The following PTPN13 variants were observed in gnomAD, a reference collection of about 807,000 sequenced individuals.
PTPN13 encodes tyrosine-protein phosphatase non-receptor type 13.
In PTPN13, 191 loss-of-function variants were observed where a neutral mutation model predicts 284.0. The observed-to-expected ratio is 0.67, with a 90% CI of 0.60 to 0.76. The LOEUF (loss-of-function observed/expected upper bound fraction) is 0.76, where lower values mean the gene tolerates loss of function less well. PTPN13 is among the 30% of genes least tolerant of loss of function. PTPN13 has a pLI of 0.00. For missense variants in PTPN13, 2,797 were observed against 2,939.9 expected, an observed-to-expected ratio of 0.95 and a Z score of 1.12; for synonymous variants, 986 against 1,022.3, an observed-to-expected ratio of 0.96 and a Z score of 0.68.
At chr4:86,641,148 ACT>A (rs1390712402) in intron 2 of PTPN13, among the ~76,000 whole-genome samples, 3 of 151,928 alleles carry the variant, frequency 2.0e-5, no homozygotes, top group Non-Finnish European at 4.4e-5. Context: ...TCTTCTCCTG[ACT>A]CTTGTAACGA....
At chr4:86,601,432 A>G (rs540623526) in intron 1 of PTPN13, among the ~76,000 whole-genome samples, 1 of 152,242 alleles carries the variant, frequency 6.6e-6, no homozygotes, top group East Asian at 1.9e-4. Flanking sequence ...ATATTCCCCT[A>G]TGTTCACAGT....
chr4:86,749,334 A>G (rs1737136638), intron 17 of PTPN13, among the ~76,000 whole-genome samples: 1 of 151,306 alleles, frequency 6.6e-6, no homozygotes, highest in African/African-American at 2.4e-5. Context: ...CATCATCATC[A>G]TCATCACCTG....
intron 3 of PTPN13, among the ~76,000 whole-genome samples, chr4:86,675,279 T>C (rs1203559138): frequency 6.6e-6 from 1 of 152,166 alleles, no homozygotes; most frequent in African/African-American, 2.4e-5. Context: ...CTAGCTTACC[T>C]CATGCCTCAA....
At chr4:86,678,671 A>T (rs1728556896) in intron 3 of PTPN13, among the ~76,000 whole-genome samples, 1 of 152,158 alleles carries the variant, frequency 6.6e-6, no homozygotes, top group African/African-American at 2.4e-5. Flanking sequence ...TTTCCTGTAA[A>T]TGAAGGGACC....
At chr4:86,700,581 A>G (rs1731050016) in intron 6 of PTPN13, among the ~76,000 whole-genome samples, 1 of 152,180 alleles carries the variant, frequency 6.6e-6, no homozygotes, top group Non-Finnish European at 1.5e-5. Flanking sequence ...GTTCTAGAGG[A>G]AAAAACTTTT....
intron 43 of PTPN13, among the ~76,000 whole-genome samples, chr4:86,804,911 A>G (rs1304654829): frequency 6.6e-6 from 1 of 152,240 alleles, no homozygotes; most frequent in Non-Finnish European, 1.5e-5. Flanking sequence ...GGAATATTCT[A>G]TAACCCTTAC....
chr4:86,603,885 C>T (rs575049285), intron 1 of PTPN13, among the ~76,000 whole-genome samples: 1 of 151,972 alleles, frequency 6.6e-6, no homozygotes, highest in Admixed American at 6.6e-5. Flanking sequence ...CCATTAAGAT[C>T]ATTTGGTACT....
chr4:86,666,219 T>C (rs1304416897), intron 2 of PTPN13, among the ~76,000 whole-genome samples: 1 of 152,190 alleles, frequency 6.6e-6, no homozygotes, highest in Non-Finnish European at 1.5e-5. Flanking sequence ...TGAAGTCAGC[T>C]ACTATAAAAA....
In PTPN13 at chr4:86,762,920, C is replaced by T. The variant is rs759826732; in HGVS notation, c.3747C>T (p.Ser1249=). The change falls in exon 24 of 48, where the codon TCC becomes TCT. Residue 1249 remains serine (S), a synonymous_variant. Transcript: ENST00000411767. ...AAGGAAGCCTGAGTTCTCAAGATTC[C>T]AGGACTGAGAGTGCCAGCTTGTCTC... ...LREGSLSSQD[S]RTESASLSQS... 1.9e-6 allele frequency: 3 copies of T among 1,613,814 alleles called. No individual in the cohort carries two copies. The African/African-American group carries it at 4.0e-5, about 22-fold the overall frequency.
chr4:86,784,488 AATATCGTACCCCAAAGG>A lies in PTPN13; in HGVS notation c.6050_6066del (p.Ile2017LysfsTer25). ...AGGTTGCTGGGGAAGAAATAAATGA[AATATCGTACCCCAAAGG>A]AAAATGTTCTACTTATCAGATAAAG... On this transcript the variant is annotated frameshift_variant, in exon 38 of 48. Transcript: ENST00000411767. LOFTEE classifies it high-confidence loss of function. The A allele has an allele frequency of 6.2e-7, 1 of 1,606,112 alleles. No individual in the cohort carries two copies. The highest frequency in any genetic ancestry group is 8.5e-7 in the Non-Finnish European group (1 of 1,177,304).
chr4:86,717,127 G>A lies in PTPN13; in HGVS notation c.1385+10G>A, dbSNP rs1256104991. ...AGTCACAGAGACCGAGGTATGTCAT[G>A]AAAAAGTAGTGATGATACATTTCCA... is the stretch of plus-strand genomic sequence containing the variant. On this transcript the variant is annotated intron_variant, in intron 9 of 47. Transcript: ENST00000411767. 3 of 1,572,840 alleles carry A rather than the reference G, an allele frequency of 1.9e-6. No individual in the cohort carries two copies. The highest frequency in any genetic ancestry group is 2.6e-6 in the Non-Finnish European group (3 of 1,146,794).
intron 1 of PTPN13, among the ~76,000 whole-genome samples, chr4:86,604,326 C>T (rs1190876207): frequency 6.6e-6 from 1 of 151,984 alleles, no homozygotes; most frequent in Non-Finnish European, 1.5e-5. Context: ...TTGGGCATAG[C>T]CTACTGATTC....
intron 47 of PTPN13, among the ~76,000 whole-genome samples, chr4:86,813,904 T>A (rs1315479744): frequency 6.6e-6 from 1 of 151,986 alleles, no homozygotes; most frequent in Non-Finnish European, 1.5e-5. Flanking sequence ...TCTAGGATAG[T>A]TCCATCCCGC....
chr4:86,597,403 A>G (rs2149137685), intron 1 of PTPN13, among the ~76,000 whole-genome samples: 1 of 150,596 alleles, frequency 6.6e-6, no homozygotes, highest in Middle Eastern at 3.4e-3. Context: ...ACACCTAGCT[A>G]ATTTTGTTTA....
rs773296258 is a variant in PTPN13 at position 86,750,532 on chromosome 4, C to A, written c.2713C>A (p.Arg905=). The stretch of plus-strand genomic sequence containing the variant: ...GTCTGTTAGAGGATTTAATATGGGA[C>A]GAGCAATCAGCACTGGCAGTCTGGC... ...AESVRGFNMG[R]AISTGSLASS... Residue 905 remains arginine (R), a synonymous_variant, in exon 18 of 48, where the codon CGA becomes AGA. Transcript: ENST00000411767. 1.2e-6 allele frequency: 2 copies of A among 1,613,896 alleles called. No individual in the cohort carries two copies. Among genetic ancestry groups the A allele is most frequent in the African/African-American group, 1.3e-5 (1 of 75,012 alleles).
chr4:86,764,767 T>G (rs1289839918), intron 25 of PTPN13, 43 bp downstream of exon 25: 2 of 1,570,632 alleles, frequency 1.3e-6, no homozygotes, highest in Non-Finnish European at 1.7e-6. Context: ...CTTCTTTAAT[T>G]TCCAGCAGCC....
intron 33 of PTPN13, among the ~76,000 whole-genome samples, 193 bp downstream of exon 33, chr4:86,774,724 T>G (rs1194875182): frequency 6.7e-6 from 1 of 150,164 alleles, no homozygotes; most frequent in East Asian, 1.9e-4. Flanking sequence ...TATATATATT[T>G]TTTACTATAC....
At chr4:86,642,849 T>C (rs1387713967) in intron 2 of PTPN13, among the ~76,000 whole-genome samples, 1 of 152,194 alleles carries the variant, frequency 6.6e-6, no homozygotes, top group African/African-American at 2.4e-5. Flanking sequence ...GATGAATTCA[T>C]GTAGGAGCTC....
At chr4:86,759,689 C>T (rs1738437068) in intron 23 of PTPN13, among the ~76,000 whole-genome samples, 1 of 152,112 alleles carries the variant, frequency 6.6e-6, no homozygotes, top group South Asian at 2.1e-4. Flanking sequence ...TTTCTACCAC[C>T]TAAAACTGTA....
Sources: allele counts gnomAD v4.1 joint callset (sites outside exome capture counted in the v4.1 genomes callset), GRCh38; gene constraint gnomAD v4.1.1; transcripts MANE v1.5; gene names NCBI Gene and HGNC (gene_info 2026-07-23, HGNC 2026-07-21).